TP63: variants seen among roughly 807,000 people sequenced by gnomAD.
TP63 encodes the protein tumor protein p63, also known as tumor protein 63.
In TP63, 17 loss-of-function variants were observed where a neutral mutation model predicts 82.8. The ratio of observed to expected loss-of-function variants is 0.21; its 90% CI spans 0.14 to 0.31. TP63 has a LOEUF of 0.31. TP63 is among the 10% of genes least tolerant of loss of function. The pLI is 1.00. For synonymous variants in TP63, 330 were observed against 321.7 expected (o/e 1.03, Z -0.28); for missense variants, 648 against 895.3 (o/e 0.72, Z 3.52).
At chr3:189,893,614 A>G (rs1482858683) in intron 13 of TP63, among the ~76,000 whole-genome samples, 1 of 152,334 alleles carries the variant, frequency 6.6e-6, no homozygotes, top group South Asian at 2.1e-4. Context: ...GTGCCGTTTC[A>G]GGTTCTGAGG....
intron 1 of TP63, among the ~76,000 whole-genome samples, chr3:189,719,908 T>C (rs868246562): frequency 2.7e-4 from 41 of 152,300 alleles, no homozygotes; most frequent in African/African-American, 9.6e-4. Context: ...CATTGAACAA[T>C]CACATAAACC....
At chr3:189,742,531 C>T (rs191858622) in intron 3 of TP63, among the ~76,000 whole-genome samples, 3 of 152,062 alleles carry the variant, frequency 2.0e-5, no homozygotes, top group Admixed American at 1.3e-4. Context: ...GTTGAATCAT[C>T]CCAGATATAT....
chr3:189,626,830 C>T (rs560897210), upstream of TP63, among the ~76,000 whole-genome samples: 3 of 152,276 alleles, frequency 2.0e-5, no homozygotes, highest in South Asian at 6.2e-4. Flanking sequence ...ATAATTTATC[C>T]TGGTTACAGC....
intron 4 of TP63, among the ~76,000 whole-genome samples, chr3:189,848,242 TCTCTCTCTC>T (rs1328790456): frequency 9.1e-6 from 1 of 110,244 alleles, no homozygotes; most frequent in Non-Finnish European, 1.9e-5. Context: ...CTCCTCCTTC[TCTCTCTCTC>T]TCTCTCTCTC....
chr3:189,669,834 C>T (rs1418594622), intron 1 of TP63, among the ~76,000 whole-genome samples: 1 of 151,694 alleles, frequency 6.6e-6, no homozygotes, highest in African/African-American at 2.4e-5. Context: ...TATGACTCAC[C>T]CAAAAGTGGC....
At chr3:189,802,588 C>T (rs1726430007) in intron 3 of TP63, among the ~76,000 whole-genome samples, 1 of 152,178 alleles carries the variant, frequency 6.6e-6, no homozygotes, top group Admixed American at 6.5e-5. Flanking sequence ...CTAAGGTCCA[C>T]AAGTTGTTCA....
the TP63 span, among the ~76,000 whole-genome samples, chr3:189,603,472 G>A: frequency 6.6e-6 from 1 of 151,754 alleles, no homozygotes. Context: ...ATAAGAGCAT[G>A]GGAAGCAGAA....
At chr3:189,615,964 T>G in the TP63 span, among the ~76,000 whole-genome samples, 63 of 152,340 alleles carry the variant, frequency 4.1e-4, 1 homozygote, top group African/African-American at 1.5e-3. Context: ...AGACCCGATC[T>G]GGCACTATTA....
At chr3:189,649,462 G>C (rs1271196712) in intron 1 of TP63, among the ~76,000 whole-genome samples, 1 of 146,164 alleles carries the variant, frequency 6.8e-6, no homozygotes, top group Non-Finnish European at 1.5e-5. Flanking sequence ...ACAGACACTG[G>C]GACCAATTGA....
At chr3:189,875,607 T>TATATATATATATATATAC (rs1719001327) in intron 10 of TP63, among the ~76,000 whole-genome samples, 4 of 56,106 alleles carry the variant, frequency 7.1e-5, no homozygotes, top group African/African-American at 2.4e-4. Context: ...TATATATATA[T>TATATATATATATATATAC]ATATATATAT....
At chr3:189,676,190 CTT>C (rs1340341186) in intron 1 of TP63, among the ~76,000 whole-genome samples, 4 of 152,058 alleles carry the variant, frequency 2.6e-5, no homozygotes, top group Non-Finnish European at 5.9e-5. Flanking sequence ...GTTCTACTCT[CTT>C]AGCAAGTTTC....
Position 189,896,391 on chromosome 3 carries a change from C to A in TP63, c.*1889C>A. ...AAAATACCATTTAGTAAGAATACCA[C>A]ATCAAATAAGAAATAATGCTACAAT... is the stretch of plus-strand genomic sequence containing the variant. On this transcript the variant is annotated 3_prime_UTR_variant, in exon 14 of 14. Coordinates refer to ENST00000264731, the MANE Select transcript of TP63 (RefSeq NM_003722.5). 1 of 199,034 alleles carries A rather than the reference C, an allele frequency of 5.0e-6. No homozygotes were observed. The highest frequency in any genetic ancestry group is 7.7e-5 in the East Asian group (1 of 12,908). 12.3% of individuals were successfully genotyped at this position (199,034 alleles called of 1,614,324 possible).
intron 3 of TP63, among the ~76,000 whole-genome samples, chr3:189,742,781 G>A (rs1721095329): frequency 6.6e-6 from 1 of 152,164 alleles, no homozygotes; most frequent in Non-Finnish European, 1.5e-5. Context: ...GCAAATGTGT[G>A]TAAAATTATC....
chr3:189,753,006 T>C (rs1020408545), intron 3 of TP63, among the ~76,000 whole-genome samples: 9 of 152,142 alleles, frequency 5.9e-5, no homozygotes, highest in African/African-American at 2.2e-4. Context: ...TCAGAAAATA[T>C]ACTTTGTATG....
At chr3:189,683,260 G>A (rs1290019294) in intron 1 of TP63, among the ~76,000 whole-genome samples, 2 of 152,018 alleles carry the variant, frequency 1.3e-5, no homozygotes, top group Non-Finnish European at 2.9e-5. Flanking sequence ...GTTCATTTAG[G>A]CTTCACAGCT....
intron 1 of TP63, among the ~76,000 whole-genome samples, chr3:189,717,166 G>A (rs550205314): frequency 7.0e-4 from 106 of 152,092 alleles, no homozygotes; most frequent in Non-Finnish European, 2.4e-4. Context: ...ACACGTATAC[G>A]AACTAAACAA....
intron 3 of TP63, among the ~76,000 whole-genome samples, chr3:189,774,018 G>A (rs984060139): frequency 2.0e-5 from 3 of 147,904 alleles, no homozygotes; most frequent in Non-Finnish European, 4.4e-5. Context: ...CGCCTCCTGG[G>A]TTCATGCCAT....
intron 4 of TP63, among the ~76,000 whole-genome samples, chr3:189,842,221 GGA>G (rs113554185): frequency 1.3e-4 from 20 of 149,252 alleles, no homozygotes; most frequent in Non-Finnish European, 1.8e-4. Flanking sequence ...TCTTCTGTCT[GGA>G]GAGAGAGAGA....
intron 1 of TP63, among the ~76,000 whole-genome samples, chr3:189,692,556 T>C (rs2889919): frequency 0.77 from 116,542 of 151,458 alleles, 45,435 homozygotes; most frequent in East Asian, 0.92. Flanking sequence ...AAAATATAGC[T>C]TTTCCTCATT....
Sources: gnomAD v4.1 joint callset for allele counts (sites outside exome capture counted in the v4.1 genomes callset) on GRCh38, gnomAD v4.1.1 for gene constraint, MANE v1.5 for transcripts, NCBI Gene and HGNC (gene_info 2026-07-23, HGNC 2026-07-21) for gene names.